Variants in TPD52L1 observed in about 807,000 individuals in gnomAD.
The protein encoded by TPD52L1 is TPD52 like 1.
Under a neutral mutation model 28.7 loss-of-function variants are expected in TPD52L1, and 18 were observed. That is an observed-to-expected ratio of 0.63 (90% CI 0.43 to 0.93). TPD52L1 has a LOEUF of 0.93. TPD52L1 is among the 40% of genes least tolerant of loss of function. The pLI is 0.00. For missense variants in TPD52L1, 203 were observed against 254.8 expected, an observed-to-expected ratio of 0.80 and a Z score of 1.39; for synonymous variants, 75 against 88.8, an observed-to-expected ratio of 0.84 and a Z score of 0.88.
chr6:125,218,411 C>T (rs1378713688), intron 1 of TPD52L1, among the ~76,000 whole-genome samples: 2 of 152,140 alleles, frequency 1.3e-5, no homozygotes, highest in African/African-American at 4.8e-5. Context: ...GTCTATAAAT[C>T]ATCTGTTCAG....
intron 1 of TPD52L1, among the ~76,000 whole-genome samples, chr6:125,172,512 C>CTATATATATA (rs60135828): frequency 6.7e-4 from 11 of 16,400 alleles, no homozygotes; most frequent in African/African-American, 1.1e-3. Flanking sequence ...CTCTTTCATG[C>CTATATATATA]TATATATATA....
At chr6:125,191,013 C>T (rs1450702821) in intron 1 of TPD52L1, among the ~76,000 whole-genome samples, 1 of 152,198 alleles carries the variant, frequency 6.6e-6, no homozygotes. Context: ...GCACCATCTA[C>T]TCTTGTTGTC....
At chr6:125,233,061 T>G (rs1796044168) in intron 3 of TPD52L1, among the ~76,000 whole-genome samples, 1 of 152,150 alleles carries the variant, frequency 6.6e-6, no homozygotes, top group South Asian at 2.1e-4. Flanking sequence ...TTCAAAGCAG[T>G]GGGCTTCATG....
At chr6:125,255,161 C>G (rs1012943734) in intron 5 of TPD52L1, among the ~76,000 whole-genome samples, 1 of 152,006 alleles carries the variant, frequency 6.6e-6, no homozygotes, top group Admixed American at 6.6e-5. Flanking sequence ...CATGGTTTTC[C>G]CCTGTGAACC....
chr6:125,170,658 T>C (rs188571185), intron 1 of TPD52L1, among the ~76,000 whole-genome samples: 1 of 152,236 alleles, frequency 6.6e-6, no homozygotes, highest in African/African-American at 2.4e-5. Context: ...ATAAATTGTC[T>C]TTTGTCTATG....
intron 1 of TPD52L1, among the ~76,000 whole-genome samples, chr6:125,216,527 GTGTATATA>G (rs1171445103): frequency 0.037 from 1,488 of 40,134 alleles, 43 homozygotes; most frequent in African/African-American, 0.098. Context: ...CAGTATGTGT[GTGTATATA>G]TATATATATA....
chr6:125,226,149 T>A (rs1795595682), intron 2 of TPD52L1, among the ~76,000 whole-genome samples: 1 of 152,194 alleles, frequency 6.6e-6, no homozygotes, highest in Admixed American at 6.5e-5. Flanking sequence ...TATATTTAGA[T>A]CTCTGATAAA....
At chr6:125,244,555 G>A (rs1284184885) in intron 3 of TPD52L1, among the ~76,000 whole-genome samples, 1 of 152,198 alleles carries the variant, frequency 6.6e-6, no homozygotes. Flanking sequence ...CTATGGAAAT[G>A]TTGATGTTCC....
chr6:125,243,778 C>G (rs1796759288), intron 3 of TPD52L1, among the ~76,000 whole-genome samples: 1 of 152,062 alleles, frequency 6.6e-6, no homozygotes, highest in South Asian at 2.1e-4. Context: ...TAGCACAATT[C>G]TGAATTCTTT....
At chr6:125,248,134 C>A in intron 3 of TPD52L1, 148 bp from the exon 4 acceptor site, 1 of 661,364 alleles carries the variant, frequency 1.5e-6, no homozygotes, top group Non-Finnish European at 2.6e-6. Flanking sequence ...CCATCATCCC[C>A]AGACAATGAA....
At chr6:125,250,694 T>C (rs1008478518) in intron 4 of TPD52L1, among the ~76,000 whole-genome samples, 8 of 152,324 alleles carry the variant, frequency 5.3e-5, no homozygotes, top group African/African-American at 1.9e-4. Flanking sequence ...GCATTCATAT[T>C]CAAACACTAA....
chr6:125,239,886 A>G (rs555001921), intron 3 of TPD52L1, among the ~76,000 whole-genome samples: 6 of 152,278 alleles, frequency 3.9e-5, no homozygotes, highest in Admixed American at 1.3e-4. Flanking sequence ...GTTCTTGGTC[A>G]TGAACTCTTT....
intron 1 of TPD52L1, chr6:125,154,491 A>G: frequency 1.0e-6 from 1 of 985,644 alleles, no homozygotes; most frequent in Non-Finnish European, 1.2e-6. Context: ...TTCCGAGGCC[A>G]GGTGAACGTT....
chr6:125,188,618 T>C (rs1345374524), intron 1 of TPD52L1, among the ~76,000 whole-genome samples: 10 of 152,226 alleles, frequency 6.6e-5, no homozygotes, highest in Non-Finnish European at 1.3e-4. Context: ...GTTCTTATTA[T>C]ATGCATTCCA....
intron 1 of TPD52L1, among the ~76,000 whole-genome samples, chr6:125,163,028 G>A (rs1382540361): frequency 6.6e-6 from 1 of 152,172 alleles, no homozygotes; most frequent in Non-Finnish European, 1.5e-5. Context: ...ATACTGCACT[G>A]TGCCTTAATG....
chr6:125,165,085 G>GATAT (rs1554201225), intron 1 of TPD52L1, among the ~76,000 whole-genome samples: 2 of 46,770 alleles, frequency 4.3e-5, no homozygotes, highest in Non-Finnish European at 7.4e-5. Flanking sequence ...TTAAAAAAAA[G>GATAT]ATATATATAT....
intron 3 of TPD52L1, among the ~76,000 whole-genome samples, chr6:125,236,610 A>G (rs370416904): frequency 6.6e-5 from 10 of 152,372 alleles, no homozygotes; most frequent in African/African-American, 2.4e-4. Context: ...TCTTGAAGAA[A>G]TGTGGAACCA....
intron 4 of TPD52L1, chr6:125,252,116 C>A (rs1797310132): frequency 6.7e-7 from 1 of 1,483,036 alleles, no homozygotes. Flanking sequence ...CTGTTTCTTT[C>A]ACACTGTGCC....
At position 125,204,806 on chromosome 6, in the gene TPD52L1, A is replaced by G. The variant is rs142599272; in HGVS notation, c.20-15272A>G. ...TCAGATTTAATTTATAGGCATTTGA[A>G]TAGTACAAATGTAAGGGCATGATAG... On this transcript the variant is annotated intron_variant, in intron 1 of 6. Coordinates refer to ENST00000534000, the MANE Select transcript of TPD52L1 (RefSeq NM_003287.4). Among the ~76,000 whole-genome samples, 220 of 152,330 alleles carry G rather than the reference A, an allele frequency of 1.4e-3. 4 individuals carry two copies. Among genetic ancestry groups the G allele is most frequent in the African/African-American group, 5.1e-3 (212 of 41,582 alleles).
Sources: allele counts gnomAD v4.1 joint callset (sites outside exome capture counted in the v4.1 genomes callset), GRCh38; gene constraint gnomAD v4.1.1; transcripts MANE v1.5; gene names NCBI Gene and HGNC (gene_info 2026-07-23, HGNC 2026-07-21).